Variants in GPAM observed in about 807,000 individuals in gnomAD.
GPAM encodes glycerol-3-phosphate acyltransferase 1, mitochondrial.
In GPAM, 56 loss-of-function variants were observed where a neutral mutation model predicts 105.0. That is an observed-to-expected ratio of 0.53 (90% CI 0.43 to 0.67). The LOEUF is 0.67. Among genes scored for constraint, GPAM ranks in the 30% least tolerant of loss-of-function variants. The probability of loss-of-function intolerance (pLI) is 0.00; values close to 1 mark genes in which losing one functional copy is unlikely to be tolerated. For missense variants in GPAM, 855 were observed against 989.8 expected (o/e 0.86, Z 1.83); for synonymous variants, 368 against 354.4 (o/e 1.04, Z -0.43).
chr10:112,198,453 C>T (rs966421974), intron 1 of GPAM, among the ~76,000 whole-genome samples: 3 of 152,022 alleles, frequency 2.0e-5, no homozygotes, highest in Admixed American at 2.0e-4. Flanking sequence ...GGGAACAGTT[C>T]GATTATCTGA....
At position 112,155,982 on chromosome 10, in the gene GPAM, G is replaced by A. The variant is rs754940286; in HGVS notation, c.2193C>T (p.Ala731=). 4 of 1,612,064 alleles carry A rather than the reference G, an allele frequency of 2.5e-6. No individual in the cohort carries two copies. The highest frequency in any genetic ancestry group is 3.4e-6 in the Non-Finnish European group (4 of 1,178,212). ...GAACAAAGATGGCAGCAGAGCTGTA[G>A]GCCTCCAGCAAAGGCCCAAGGAGTC... is the stretch of plus-strand genomic sequence containing the variant. ...LQRLLGPLLE[A]YSSAAIFVHN... is the part of the protein sequence containing the mutation. The change falls in exon 20 of 22, where the codon GCC becomes GCT. Residue 731 remains alanine, a synonymous_variant. Transcript: ENST00000348367.
chr10:112,198,605 A>T (rs1297824599), intron 1 of GPAM, among the ~76,000 whole-genome samples: 4 of 152,210 alleles, frequency 2.6e-5, no homozygotes, highest in African/African-American at 9.7e-5. Context: ...TATGGAAAAC[A>T]GTATGGGGTG....
At chr10:112,153,717 A>T in intron 21 of GPAM, 51 bp from the exon 22 acceptor site, 2 of 1,594,018 alleles carry the variant, frequency 1.3e-6, no homozygotes, top group Non-Finnish European at 1.7e-6. Flanking sequence ...AAAATAAAAA[A>T]AATTTCCATT....
chr10:112,184,279 C>CT (rs1200360153), upstream of GPAM, among the ~76,000 whole-genome samples: 2 of 152,034 alleles, frequency 1.3e-5, no homozygotes, highest in Non-Finnish European at 2.9e-5. Context: ...GAAATAAGGG[C>CT]TTTTTTCCCC....
Position 112,149,881 on chromosome 10 carries a change from T to C in GPAM, c.*3669A>G, listed in dbSNP as rs1846885118. On this transcript the variant is annotated 3_prime_UTR_variant, in exon 22 of 22. Transcript: ENST00000348367. ...CATCAAGAGTATGTTCAATTTTTGG[T>C]TTATTAAAACAAAACTACATTTTCT... 1 of 978,380 alleles carries C rather than the reference T, an allele frequency of 1.0e-6. No individual in the cohort carries two copies. The highest frequency in any genetic ancestry group is 1.2e-6 in the Non-Finnish European group (1 of 823,284). The allele number at this position is 978,380 out of a possible 1,614,324, so 60.6% of individuals were successfully genotyped here.
chr10:112,186,095 C>T (rs905614812), upstream of GPAM, among the ~76,000 whole-genome samples: 1 of 151,500 alleles, frequency 6.6e-6, no homozygotes, highest in Middle Eastern at 3.2e-3. Flanking sequence ...ATCAAAATGC[C>T]TAAAGCCACT....
rs756116481 is a variant in GPAM at position 112,168,921 on chromosome 10, T to C, written c.826A>G (p.Ile276Val). 3 of 1,610,508 alleles carry C rather than the reference T, an allele frequency of 1.9e-6. No homozygotes were observed. Among genetic ancestry groups the C allele is most frequent in the East Asian group, 4.5e-5 (2 of 44,858 alleles). ...GGTGTTTCATCGAGCCTTCGTCGTA[T>C]GAAGAAGCCCCCAAGCTTATGGATC... ...TLIHKLGGFFIRRRLDETPDG... is the reference protein window; with the variant it reads ...TLIHKLGGFFVRRRLDETPDG... The change falls in exon 10 of 22, where the codon ATA (isoleucine) becomes GTA (valine). Residue 276 changes from isoleucine to valine, a missense_variant. Coordinates refer to ENST00000348367, the MANE Select transcript of GPAM (RefSeq NM_001244949.2).
At chr10:112,165,208 C>A (rs1022973672) in intron 12 of GPAM, among the ~76,000 whole-genome samples, 17 of 152,122 alleles carry the variant, frequency 1.1e-4, no homozygotes, top group Admixed American at 4.6e-4. Context: ...TCCCTGGGCT[C>A]CCTACTTCTG....
intron 12 of GPAM, among the ~76,000 whole-genome samples, chr10:112,165,125 C>G (rs1377066934): frequency 6.6e-6 from 1 of 152,130 alleles, no homozygotes; most frequent in Non-Finnish European, 1.5e-5. Context: ...AAGCATCTAC[C>G]ACAGCAGCTG....
rs1228539381 is a variant in GPAM at position 112,182,789 on chromosome 10, T to A, written c.-30+5A>T. ...CAGGCTAGGGGAGAGAATAAACCAA[T>A]GCACCTGGGATGAAAGTTCTTCTGT... On this transcript the variant is annotated splice_donor_5th_base_variant and intron_variant, in intron 2 of 21. Transcript: ENST00000348367. The A allele has an allele frequency of 6.6e-6, 1 of 152,238 alleles. No individual in the cohort carries two copies. The highest frequency in any genetic ancestry group is 2.4e-5 in the African/African-American group (1 of 41,462). 9.4% of individuals were successfully genotyped at this position (152,238 alleles called of 1,614,324 possible).
upstream of GPAM, among the ~76,000 whole-genome samples, chr10:112,184,260 CAGTT>C (rs1194058648): frequency 1.3e-5 from 2 of 152,112 alleles, no homozygotes; most frequent in Non-Finnish European, 2.9e-5. Context: ...TAAAAAGCCT[CAGTT>C]AGGAGAAATA....
At chr10:112,161,094 C>A (rs970910043) in intron 15 of GPAM, among the ~76,000 whole-genome samples, 2 of 152,142 alleles carry the variant, frequency 1.3e-5, no homozygotes, top group African/African-American at 2.4e-5. Context: ...AACACTCTAG[C>A]CATGACACAT....
At chr10:112,221,696 T>C in the GPAM span, among the ~76,000 whole-genome samples, 1 of 152,210 alleles carries the variant, frequency 6.6e-6, no homozygotes, top group East Asian at 1.9e-4. Flanking sequence ...GAACAGTGTG[T>C]CTCAACATGT....
intron 1 of GPAM, among the ~76,000 whole-genome samples, chr10:112,211,588 TTG>T (rs1847911692): frequency 6.6e-6 from 1 of 152,194 alleles, no homozygotes; most frequent in Non-Finnish European, 1.5e-5. Context: ...AGCTATTTGT[TTG>T]TGTGATTTTT....
Position 112,150,000 on chromosome 10 carries a change from T to G in GPAM, c.*3550A>C, listed in dbSNP as rs1020027496. 1.0e-6 allele frequency: 1 copy of G among 983,576 alleles called. No homozygotes were observed. Among genetic ancestry groups the G allele is most frequent in the Admixed American group, 6.1e-5 (1 of 16,262 alleles). The allele number at this position is 983,576 out of a possible 1,614,324, so 60.9% of individuals were successfully genotyped here. A position where few individuals can be genotyped will look rare whatever the true frequency, so the allele number is the denominator to read the frequency against. On this transcript the variant is annotated 3_prime_UTR_variant, in exon 22 of 22. Coordinates refer to ENST00000348367, the MANE Select transcript of GPAM (RefSeq NM_001244949.2). Reference sequence around the variant, plus strand: ...ATCGCAGTTATTTCACAGTACCTTATAGTAATTCTTTTCACGAGTCTTAAC... The same window carrying G: ...ATCGCAGTTATTTCACAGTACCTTAGAGTAATTCTTTTCACGAGTCTTAAC...
In GPAM at chr10:112,153,136, T is replaced by C; in HGVS notation, c.*414A>G. ...AAGGAAGCATTAACCACTAACCAGATAATATACCAACAAATTACCCAGCAG... is the reference window on the plus strand; with the variant it reads ...AAGGAAGCATTAACCACTAACCAGACAATATACCAACAAATTACCCAGCAG... On this transcript the variant is annotated 3_prime_UTR_variant, in exon 22 of 22. Coordinates refer to ENST00000348367, the MANE Select transcript of GPAM (RefSeq NM_001244949.2). The C allele has an allele frequency of 9.7e-7, 1 of 1,032,462 alleles. No homozygotes were observed. Among genetic ancestry groups the C allele is most frequent in the South Asian group, 3.7e-5 (1 of 27,324 alleles). 64.0% of individuals were successfully genotyped at this position (1,032,462 alleles called of 1,614,324 possible). A position where few individuals can be genotyped will look rare whatever the true frequency, so the allele number is the denominator to read the frequency against.
intron 1 of GPAM, among the ~76,000 whole-genome samples, chr10:112,198,984 A>G (rs1847759046): frequency 6.6e-6 from 1 of 151,258 alleles, no homozygotes; most frequent in Admixed American, 6.6e-5. Context: ...GTGCAGTGGC[A>G]CCATCTCGGC....
At chr10:112,212,834 G>A (rs1181420751) in intron 1 of GPAM, among the ~76,000 whole-genome samples, 2 of 152,222 alleles carry the variant, frequency 1.3e-5, no homozygotes, top group East Asian at 1.9e-4. Context: ...ACTCAGCACA[G>A]TGCCTGAGAT....
At chr10:112,189,306 G>A (rs1036776465) in intron 1 of GPAM, among the ~76,000 whole-genome samples, 3 of 151,620 alleles carry the variant, frequency 2.0e-5, no homozygotes, top group Admixed American at 1.3e-4. Context: ...TCTACTTCAC[G>A]CCACCCAACC....
Sources: gnomAD v4.1 joint callset for allele counts (sites outside exome capture counted in the v4.1 genomes callset) on GRCh38, gnomAD v4.1.1 for gene constraint, MANE v1.5 for transcripts, NCBI Gene and HGNC (gene_info 2026-07-23, HGNC 2026-07-21) for gene names.